AVL9: variants seen among roughly 807,000 people sequenced by gnomAD.
The protein encoded by AVL9 is AVL9 cell migration associated.
Under a neutral mutation model 79.2 loss-of-function variants are expected in AVL9, and 49 were observed. The observed-to-expected ratio is 0.62, with a 90% confidence interval of 0.49 to 0.79. The LOEUF is 0.79. AVL9 is among the 30% of genes least tolerant of loss of function. The pLI is 0.00. For missense variants in AVL9, 682 were observed against 776.8 expected (o/e 0.88, Z 1.45); for synonymous variants, 299 against 280.6 (o/e 1.07, Z -0.65).
rs924472749 is a variant in AVL9, at chr7:32,587,227, G to C, written c.*3320G>C. 3 of 152,178 alleles carry C rather than the reference G, an allele frequency of 2.0e-5. No homozygotes were observed. The highest frequency in any genetic ancestry group is 4.4e-5 in the Non-Finnish European group (3 of 68,032). 9.4% of individuals were successfully genotyped at this position (152,178 alleles called of 1,614,324 possible). A position where few individuals can be genotyped will look rare whatever the true frequency, so the allele number is the denominator to read the frequency against. ...AAATTGTTGCATGGCTGAGGAACAA[G>C]ATGCTTAAAATCTGAATGGAAGTAT... is the stretch of plus-strand genomic sequence containing the variant. On this transcript the variant is annotated 3_prime_UTR_variant, in exon 16 of 16. Coordinates refer to ENST00000318709, the MANE Select transcript of AVL9 (RefSeq NM_015060.3).
intron 13 of AVL9, 21 bp downstream of exon 13, chr7:32,576,093 T>C (rs1419534684): frequency 9.9e-6 from 15 of 1,520,258 alleles, no homozygotes; most frequent in Non-Finnish European, 1.4e-5. Context: ...CCTCTGAAGA[T>C]TGATAGTACA....
rs185244840 is a variant in AVL9, at chr7:32,514,846, G to C, written c.93+19044G>C. On this transcript the variant is annotated intron_variant, in intron 1 of 15. Coordinates refer to ENST00000318709, the MANE Select transcript of AVL9 (RefSeq NM_015060.3). ...ATCTCCCTTCACTGACTCTCTTTTC[G>C]GACTCAGCCCGCCTGCACCCAGGTG... 7.6e-4 allele frequency among the ~76,000 whole-genome samples: 116 copies of C among 152,110 alleles called. 1 individual carries two copies. Among genetic ancestry groups the C allele is most frequent in the African/African-American group, 2.5e-3 (102 of 41,508 alleles).
At chr7:32,551,448 G>C (rs755399546) in intron 5 of AVL9, 25 bp downstream of exon 5, 14 of 1,328,752 alleles carry the variant, frequency 1.1e-5, no homozygotes, top group Non-Finnish European at 1.2e-5. Context: ...CTCTATAGAT[G>C]TGTTTGGCTG....
intron 3 of AVL9, among the ~76,000 whole-genome samples, chr7:32,546,593 C>A (rs13239123): frequency 0.024 from 3,653 of 151,624 alleles, 160 homozygotes; most frequent in African/African-American, 0.082. Context: ...GAGGCCAAGG[C>A]GGGCGGATCA....
At chr7:32,525,256 A>G (rs1788350857) in intron 1 of AVL9, among the ~76,000 whole-genome samples, 2 of 152,196 alleles carry the variant, frequency 1.3e-5, no homozygotes, top group African/African-American at 4.8e-5. Context: ...TCAGATTGTG[A>G]TTTTATGACA....
At chr7:32,530,969 A>T (rs1290571022) in intron 1 of AVL9, among the ~76,000 whole-genome samples, 1 of 151,556 alleles carries the variant, frequency 6.6e-6, no homozygotes, top group African/African-American at 2.4e-5. Flanking sequence ...AAAAAAAAAG[A>T]GTTTATTTAA....
chr7:32,495,865 T>C, intron 1 of AVL9, 63 bp downstream of exon 1: 1 of 1,084,912 alleles, frequency 9.2e-7, no homozygotes. Flanking sequence ...GGGGCCCCCC[T>C]GCCCTGCTTC....
At chr7:32,571,960 G>A (rs1034406442) in intron 11 of AVL9, among the ~76,000 whole-genome samples, 10 of 152,116 alleles carry the variant, frequency 6.6e-5, no homozygotes, top group East Asian at 1.9e-4. Context: ...TCAAGACATC[G>A]AGACCATCCT....
At position 32,495,687 on chromosome 7, in the gene AVL9, G is replaced by A. The variant is rs1190930460; in HGVS notation, c.-23G>A. 8.0e-7 allele frequency: 1 copy of A among 1,253,200 alleles called. No individual in the cohort carries two copies. The highest frequency in any genetic ancestry group is 4.2e-5 in the Admixed American group (1 of 23,732). The allele number at this position is 1,253,200 out of a possible 1,614,324, so 77.6% of individuals were successfully genotyped here. A position where few individuals can be genotyped will look rare whatever the true frequency, so the allele number is the denominator to read the frequency against. ...GCTGCCCTTGGCGGTCGAAGTCGTC[G>A]TGCGGGCCCGCGGCGGCCGCCCATG... On this transcript the variant is annotated 5_prime_UTR_variant, in exon 1 of 16. It adds an upstream start codon to the 5' untranslated region. Coordinates refer to ENST00000318709, the MANE Select transcript of AVL9 (RefSeq NM_015060.3).
chr7:32,548,144 C>CTCTTTTTTTTTTTT (rs1227025763), intron 3 of AVL9, among the ~76,000 whole-genome samples: 8 of 57,594 alleles, frequency 1.4e-4, no homozygotes, highest in African/African-American at 3.2e-4. Flanking sequence ...TTTGTCATCT[C>CTCTTTTTTTTTTTT]TTTTTTCTTT....
intron 1 of AVL9, among the ~76,000 whole-genome samples, chr7:32,526,099 G>A (rs930558344): frequency 2.0e-5 from 3 of 152,072 alleles, no homozygotes; most frequent in Non-Finnish European, 4.4e-5. Context: ...CTCTGCAAAC[G>A]GCATGGACTT....
At chr7:32,553,568 A>G (rs949302280) in intron 6 of AVL9, among the ~76,000 whole-genome samples, 159 bp from the exon 7 acceptor site, 1 of 152,002 alleles carries the variant, frequency 6.6e-6, no homozygotes, top group African/African-American at 2.4e-5. Flanking sequence ...GTTTCTGAGT[A>G]TATGTGTACC....
intron 1 of AVL9, among the ~76,000 whole-genome samples, chr7:32,503,365 T>TACACACACACACACAC (rs796351504): frequency 1.1e-3 from 114 of 103,094 alleles, no homozygotes; most frequent in Admixed American, 2.5e-3. Context: ...TAGAGAGATA[T>TACACACACACACACAC]ATATATATAC....
At chr7:32,558,655 T>C in intron 9 of AVL9, 27 bp downstream of exon 9, 2 of 1,559,594 alleles carry the variant, frequency 1.3e-6, no homozygotes, top group Non-Finnish European at 1.7e-6. Flanking sequence ...ATCTACTCTT[T>C]CTTTTGTTTA....
chr7:32,499,862 C>G (rs1787037804), intron 1 of AVL9, among the ~76,000 whole-genome samples: 1 of 152,060 alleles, frequency 6.6e-6, no homozygotes, highest in African/African-American at 2.4e-5. Flanking sequence ...TTTTGTGTTC[C>G]TGTGTTAGTT....
At chr7:32,547,217 ATAGT>A (rs1011063956) in intron 3 of AVL9, among the ~76,000 whole-genome samples, 30 of 152,334 alleles carry the variant, frequency 2.0e-4, no homozygotes, top group Middle Eastern at 3.4e-3. Flanking sequence ...TTAACAAAAC[ATAGT>A]TAGTTGTTTA....
intron 1 of AVL9, among the ~76,000 whole-genome samples, chr7:32,522,944 G>A (rs1419871870): frequency 2.0e-5 from 3 of 151,818 alleles, no homozygotes; most frequent in Non-Finnish European, 2.9e-5. Context: ...TCTTGCCACC[G>A]CCATGTAATA....
intron 13 of AVL9, among the ~76,000 whole-genome samples, chr7:32,577,689 T>C (rs1481844706): frequency 6.6e-6 from 1 of 152,206 alleles, no homozygotes; most frequent in Non-Finnish European, 1.5e-5. Flanking sequence ...GAACCAGCTC[T>C]ATAGATGTTA....
In AVL9 at chr7:32,505,416, G is replaced by A. The variant is rs896567975; in HGVS notation, c.93+9614G>A. Among the ~76,000 whole-genome samples, 6 of 151,518 alleles carry A rather than the reference G, an allele frequency of 4.0e-5. No homozygotes were observed. In the East Asian group the frequency reaches 1.0e-3, roughly 25 times the overall value. ...CAGGTGTCTGTAATCCCAGCTACTC[G>A]GGAGGCTGAGGCACAAGAATCACTT... On this transcript the variant is annotated intron_variant, in intron 1 of 15. Coordinates refer to ENST00000318709, the MANE Select transcript of AVL9 (RefSeq NM_015060.3).
Sources: gnomAD v4.1 joint callset for allele counts (sites outside exome capture counted in the v4.1 genomes callset) on GRCh38, gnomAD v4.1.1 for gene constraint, MANE v1.5 for transcripts, NCBI Gene and HGNC (gene_info 2026-07-23, HGNC 2026-07-21) for gene names.